The following KIAA0586 variants were observed in gnomAD, a reference collection of about 807,000 sequenced individuals.
KIAA0586 encodes the protein KIAA0586.
In KIAA0586, 144 loss-of-function variants were observed where a neutral mutation model predicts 169.8. The observed-to-expected ratio is 0.85, with a 90% CI of 0.74 to 0.97. The LOEUF is 0.97. Ranked by LOEUF, KIAA0586 falls within the 50% of genes least tolerant of loss-of-function variation. The probability of loss-of-function intolerance (pLI) is 0.00; values close to 1 mark genes in which losing one functional copy is unlikely to be tolerated. For synonymous variants in KIAA0586, 625 were observed against 612.4 expected (o/e 1.02, Z -0.30); for missense variants, 1,854 against 1,823.0 (o/e 1.02, Z -0.31).
Position 58,472,320 on chromosome 14 carries a change from G to A in KIAA0586, c.2634+41G>A, listed in dbSNP as rs750854484. The A allele has an allele frequency of 5.9e-5, 70 of 1,185,610 alleles. 1 individual carries two copies. The East Asian group carries it at 6.5e-4, about 11-fold the overall frequency. The allele number at this position is 1,185,610 out of a possible 1,614,324, so 73.4% of individuals were successfully genotyped here. A position where few individuals can be genotyped will look rare whatever the true frequency, so the allele number is the denominator to read the frequency against. ...AACCATGAGAAATTATTTTTCTACC[G>A]GTATTTTTCCAGGTTGTTGACTATC... On this transcript the variant is annotated intron_variant, in intron 18 of 30. Transcript: ENST00000652326.
At chr14:58,543,795 A>G in intron 30 of KIAA0586, 1 of 405,546 alleles carries the variant, frequency 2.5e-6, no homozygotes, top group Non-Finnish European at 4.8e-6. Context: ...TCTATGGACT[A>G]TTTTTATAGA....
intron 29 of KIAA0586, chr14:58,537,198 A>G: frequency 9.6e-7 from 1 of 1,042,562 alleles, no homozygotes; most frequent in Admixed American, 5.5e-5. Flanking sequence ...ATAAGAATAA[A>G]AGTGGTCAAC....
intron 29 of KIAA0586, among the ~76,000 whole-genome samples, chr14:58,515,649 G>A (rs574127235): frequency 2.0e-4 from 30 of 152,172 alleles, no homozygotes; most frequent in Admixed American, 3.3e-4. Context: ...ATATGATAGG[G>A]ATTTCAAAAC....
chr14:58,454,710 C>G (rs1048026985), intron 9 of KIAA0586, among the ~76,000 whole-genome samples: 11 of 152,156 alleles, frequency 7.2e-5, no homozygotes, highest in African/African-American at 2.7e-4. Flanking sequence ...GCTGGAAGTT[C>G]AAGATCAAGG....
intron 27 of KIAA0586, among the ~76,000 whole-genome samples, chr14:58,506,454 G>T (rs968480086): frequency 1.3e-5 from 2 of 151,378 alleles, no homozygotes; most frequent in African/African-American, 4.9e-5. Context: ...CGAGGTGAGC[G>T]GATCACTTGA....
chr14:58,448,212 A>G, intron 6 of KIAA0586, 128 bp from the exon 7 acceptor site: 4 of 637,670 alleles, frequency 6.3e-6, no homozygotes, highest in Non-Finnish European at 1.1e-5. Flanking sequence ...TTGCAATGTA[A>G]TACATATTTT....
At chr14:58,476,635 T>G (rs1465183012) in intron 19 of KIAA0586, among the ~76,000 whole-genome samples, 1 of 151,708 alleles carries the variant, frequency 6.6e-6, no homozygotes. Context: ...ACAAGGAGAT[T>G]CTGTTTAGTG....
At chr14:58,546,710 G>A (rs1053614239) in intron 30 of KIAA0586, among the ~76,000 whole-genome samples, 4 of 152,038 alleles carry the variant, frequency 2.6e-5, no homozygotes, top group African/African-American at 4.8e-5. Context: ...ATACACTTAC[G>A]TAGTCAACTT....
At chr14:58,537,180 T>C (rs2046341074) in intron 29 of KIAA0586, 1 of 1,052,408 alleles carries the variant, frequency 9.5e-7, no homozygotes. Flanking sequence ...TGAAGCCACT[T>C]ACTTGTTATA....
intron 30 of KIAA0586, among the ~76,000 whole-genome samples, chr14:58,545,884 A>G (rs2046950525): frequency 6.6e-6 from 1 of 151,562 alleles, no homozygotes; most frequent in Non-Finnish European, 1.5e-5. Context: ...ATTTTTAAAA[A>G]TTAGCCAGGC....
intron 21 of KIAA0586, among the ~76,000 whole-genome samples, chr14:58,484,877 A>ATTATATATATATTTTTATATATATAT (rs1566876484): frequency 8.5e-5 from 4 of 47,300 alleles, no homozygotes; most frequent in Non-Finnish European, 1.5e-4. Flanking sequence ...TTTTATATAT[A>ATTATATATATATTTTTATATATATAT]TTATATATAT....
Position 58,453,332 on chromosome 14 carries a change from A to AT in KIAA0586, c.1130-17dup. 7.6e-6 allele frequency: 9 copies of AT among 1,189,218 alleles called. No homozygotes were observed. Among genetic ancestry groups the AT allele is most frequent in the Non-Finnish European group, 1.1e-5 (9 of 856,360 alleles). The allele number at this position is 1,189,218 out of a possible 1,614,324, so 73.7% of individuals were successfully genotyped here. The stretch of plus-strand genomic sequence containing the variant: ...GAATTAGTATTTGGAAAATGATACT[A>AT]TATCTCTTCTATTTCAGGAAATGTA... On this transcript the variant is annotated splice_polypyrimidine_tract_variant and intron_variant, in intron 8 of 30. Transcript: ENST00000652326.
chr14:58,531,043 G>T (rs1467634547), intron 29 of KIAA0586, among the ~76,000 whole-genome samples: 1 of 152,044 alleles, frequency 6.6e-6, no homozygotes, highest in Non-Finnish European at 1.5e-5. Flanking sequence ...GGGTGCAGTG[G>T]CTCACGCCTG....
chr14:58,476,864 T>C (rs781561719), intron 19 of KIAA0586, among the ~76,000 whole-genome samples: 1 of 152,012 alleles, frequency 6.6e-6, no homozygotes, highest in African/African-American at 2.4e-5. Context: ...TTGCCCTGTT[T>C]GCCAGAATGG....
At chr14:58,552,970 G>A (rs2047224642), downstream of KIAA0586, among the ~76,000 whole-genome samples, 1 of 152,172 alleles carries the variant, frequency 6.6e-6, no homozygotes, top group African/African-American at 2.4e-5. Context: ...TATGTAAATT[G>A]TAATATAAGA....
chr14:58,556,696 G>C, the KIAA0586 span, among the ~76,000 whole-genome samples: 1 of 151,998 alleles, frequency 6.6e-6, no homozygotes, highest in Non-Finnish European at 1.5e-5. Context: ...AGTTTCTTTT[G>C]TAAGTATAAT....
Position 58,483,750 on chromosome 14 carries a change from A to G in KIAA0586, c.3144+1038A>G, listed in dbSNP as rs1037976655. Among the ~76,000 whole-genome samples the G allele has an allele frequency of 3.0e-4, 45 of 152,300 alleles. 1 individual carries two copies. Among genetic ancestry groups the G allele is most frequent in the Non-Finnish European group, 1.3e-4 (9 of 68,010 alleles). On this transcript the variant is annotated intron_variant, in intron 21 of 30. Coordinates refer to ENST00000652326, the MANE Select transcript of KIAA0586 (RefSeq NM_001329943.3). ...GCAATATGAAATTATACAAAGCCAA[A>G]ATTTACTCTGTATTACCAGCTGTTT... is the stretch of plus-strand genomic sequence containing the variant.
intron 9 of KIAA0586, among the ~76,000 whole-genome samples, chr14:58,456,026 T>C (rs1260363316): frequency 4.1e-5 from 1 of 24,668 alleles, no homozygotes; most frequent in Admixed American, 6.9e-4. Context: ...TGTTAAACAA[T>C]TGCCACCGTT....
intron 9 of KIAA0586, among the ~76,000 whole-genome samples, chr14:58,454,121 T>G (rs1157086239): frequency 6.6e-6 from 1 of 152,206 alleles, no homozygotes; most frequent in South Asian, 2.1e-4. Flanking sequence ...CCTTAGTGCC[T>G]TCTTTTGTAT....
Sources: gnomAD v4.1 joint callset for allele counts (sites outside exome capture counted in the v4.1 genomes callset) on GRCh38, gnomAD v4.1.1 for gene constraint, MANE v1.5 for transcripts, NCBI Gene and HGNC (gene_info 2026-07-23, HGNC 2026-07-21) for gene names.